Variants in RIN1 observed in about 807,000 individuals in gnomAD.
RIN1 encodes the protein Ras and Rab interactor 1, also known as ras inhibitor 1.
A neutral mutation model predicts 64.9 loss-of-function variants in RIN1; 52 were observed. The observed-to-expected ratio is 0.80, with a 90% confidence interval of 0.64 to 1.01. The LOEUF (loss-of-function observed/expected upper bound fraction) is 1.01, where lower values mean the gene tolerates loss of function less well. Among genes scored for constraint, RIN1 ranks in the 50% least tolerant of loss-of-function variants. The probability of loss-of-function intolerance (pLI) is 0.00; values close to 1 mark genes in which losing one functional copy is unlikely to be tolerated. For synonymous variants in RIN1, 486 were observed against 483.6 expected, an observed-to-expected ratio of 1.00 and a Z score of -0.06; for missense variants, 1,040 against 1,064.5, an observed-to-expected ratio of 0.98 and a Z score of 0.32.
chr11:66,333,099 G>A (rs971936863), intron 9 of RIN1, 159 bp downstream of exon 9: 9 of 827,142 alleles, frequency 1.1e-5, no homozygotes, highest in Middle Eastern at 3.6e-4. Context: ...ACTGAGGCAC[G>A]AAGTAGTTAA....
Position 66,335,608 on chromosome 11 carries a change from A to G in RIN1, c.455+2T>C. On this transcript the variant is annotated splice_donor_variant, in intron 4 of 9. Coordinates refer to ENST00000311320, the MANE Select transcript of RIN1 (RefSeq NM_004292.3). LOFTEE classifies it high-confidence loss of function. The stretch of plus-strand genomic sequence containing the variant: ...CACCAGGCACCCTGCGGGCAGACTC[A>G]CCGGGTGTGGCAGTAGGCACAGATG... 2 of 1,613,700 alleles carry G rather than the reference A, an allele frequency of 1.2e-6. No homozygotes were observed. The highest frequency in any genetic ancestry group is 1.7e-6 in the Non-Finnish European group (2 of 1,179,828).
chr11:66,336,329 A>G lies in RIN1; in HGVS notation c.74T>C (p.Leu25Pro). 1 of 1,613,394 alleles carries G rather than the reference A, an allele frequency of 6.2e-7. No homozygotes were observed. The highest frequency in any genetic ancestry group is 8.5e-7 in the Non-Finnish European group (1 of 1,179,680). ...PSPSSFTTGH[L>P]AREKPAQDPL... ...CAACTTCACTAACTTTTCTCTCGCC[A>G]GGTGCCCAGTAGTGAAGCTGGACGG... Residue 25 changes from leucine to proline, a missense_variant, in exon 1 of 10, where the codon CTG becomes CCG. Transcript: ENST00000311320.
In RIN1 at chr11:66,333,262, A is replaced by C. The variant is rs759145279; in HGVS notation, c.1871T>G (p.Phe624Cys). 6.2e-7 allele frequency: 1 copy of C among 1,610,680 alleles called. No homozygotes were observed. The highest frequency in any genetic ancestry group is 1.1e-5 in the South Asian group (1 of 90,996). The part of the protein sequence containing the change: ...EQRRLPATHC[F>C]QHLLRVAYQD... The stretch of plus-strand genomic sequence containing the variant: ...ACACGGTGGAGGGCCTGTTACCTGG[A>C]AGCAGTGGGTGGCAGGCAGGCGGCG... Residue 624 changes from phenylalanine to cysteine, a missense_variant, in exon 9 of 10, where the codon TTC becomes TGC. Physicochemically the swap from Phe to Cys is radical, Grantham distance 205. Coordinates refer to ENST00000311320, the MANE Select transcript of RIN1 (RefSeq NM_004292.3).
rs2134943084 is a variant in RIN1, at chr11:66,334,698, A to G, written c.1101T>C (p.Ala367=). 1 of 1,549,906 alleles carries G rather than the reference A, an allele frequency of 6.5e-7. No individual in the cohort carries two copies. Residue 367 remains alanine, a synonymous_variant, in exon 6 of 10, where the codon GCT becomes GCC. Coordinates refer to ENST00000311320, the MANE Select transcript of RIN1 (RefSeq NM_004292.3). ...GTCGGTCCTGCATCAGTGCTGCCGCAGCCCGGCCCACCTGCCGCTCCGGTG... is the reference window on the plus strand; with the variant it reads ...GTCGGTCCTGCATCAGTGCTGCCGCGGCCCGGCCCACCTGCCGCTCCGGTG... ...LLAPERQVGR[A]AAALMQDRHT...
intron 7 of RIN1, 37 bp downstream of exon 7, chr11:66,333,882 A>G: frequency 6.8e-7 from 1 of 1,476,814 alleles, no homozygotes; most frequent in Non-Finnish European, 9.0e-7. Context: ...TCTGACTCAA[A>G]GGGGCAGGGC....
rs538915763 is a variant in RIN1 at position 66,335,864 on chromosome 11, G to A, written c.280C>T (p.Arg94Trp). The A allele has an allele frequency of 1.3e-5, 21 of 1,572,180 alleles. No homozygotes were observed. The highest frequency in any genetic ancestry group is 6.7e-5 in the East Asian group (3 of 44,446). Residue 94 changes from arginine (R) to tryptophan (W), a missense_variant, in exon 3 of 10, where the codon CGG becomes TGG. By Grantham distance (101) the Arg-to-Trp change is moderately radical (BLOSUM62 -3). Transcript: ENST00000311320. ...TGGCACTGGCGGGTGTTAGATTTCCGCACGAGGAACGTCTGCAAGTGGATA... is the reference window on the plus strand; with the variant it reads ...TGGCACTGGCGGGTGTTAGATTTCCACACGAGGAACGTCTGCAAGTGGATA... ...RTEPPGTFLVRKSNTRQCQAL... is the reference protein window; with the variant it reads ...RTEPPGTFLVWKSNTRQCQAL...
At chr11:66,333,866 C>T (rs1854800806) in intron 7 of RIN1, 53 bp downstream of exon 7, 3 of 1,464,124 alleles carry the variant, frequency 2.0e-6, no homozygotes, top group South Asian at 1.4e-5. Context: ...CGCTGGGGGG[C>T]CCGCCTCTGA....
At chr11:66,335,355 C>T (rs1854857312) in intron 5 of RIN1, 52 bp downstream of exon 5, 1 of 1,557,540 alleles carries the variant, frequency 6.4e-7, no homozygotes. Context: ...GCCTTGCCTT[C>T]CCCTCGGCCT....
intron 8 of RIN1, 39 bp downstream of exon 8, chr11:66,333,488 G>A (rs911312042): frequency 1.2e-6 from 2 of 1,610,736 alleles, no homozygotes; most frequent in South Asian, 2.2e-5. Context: ...TGCTTATTCA[G>A]GGCCCACCCA....
At chr11:66,335,716 G>T in intron 3 of RIN1, 34 bp from the exon 4 acceptor site, 1 of 1,612,030 alleles carries the variant, frequency 6.2e-7, no homozygotes, top group South Asian at 1.1e-5. Flanking sequence ...GCTTCTCTGG[G>T]GAACCTCCCT....
At chr11:66,333,191 C>G (rs143026649) in intron 9 of RIN1, 67 bp downstream of exon 9, 3 of 1,578,204 alleles carry the variant, frequency 1.9e-6, no homozygotes, top group East Asian at 2.2e-5. Context: ...GGACTCTTCA[C>G]CAAGGACAGG....
At position 66,334,023 on chromosome 11, in the gene RIN1, C is replaced by T. The variant is rs141038581; in HGVS notation, c.1487G>A (p.Arg496His). ...GCGGAGCAGCTGCAGCAGCTTCTGG[C>T]GCACTTGCTCCAACTCTACTGGGGA... ...LPSPVELEQV[R>H]QKLLQLLRTY... Residue 496 changes from arginine (R) to histidine (H), a missense_variant, in exon 7 of 10, where the codon CGC becomes CAC. Physicochemically the swap from Arg to His is conservative, Grantham distance 29. Coordinates refer to ENST00000311320, the MANE Select transcript of RIN1 (RefSeq NM_004292.3). 4.4e-5 allele frequency: 69 copies of T among 1,572,222 alleles called. No homozygotes were observed. The highest frequency in any genetic ancestry group is 1.8e-4 in the Middle Eastern group (1 of 5,460).
Position 66,336,052 on chromosome 11 carries a change from T to C in RIN1, c.193A>G (p.Thr65Ala). ...VVSLRERLLL[T>A]RPVWLQLQAN... The stretch of plus-strand genomic sequence containing the variant: ...TGCAGCTGCAGCCACACGGGCCGGG[T>C]GAGCAGCAGGCGCTCCCGCAGGCTC... Residue 65 changes from threonine to alanine, a missense_variant, in exon 2 of 10, where the codon ACC (threonine) becomes GCC (alanine). Physicochemically the swap from Thr to Ala is moderately conservative, Grantham distance 58. Coordinates refer to ENST00000311320, the MANE Select transcript of RIN1 (RefSeq NM_004292.3). 1 of 1,466,420 alleles carries C rather than the reference T, an allele frequency of 6.8e-7. No homozygotes were observed. The highest frequency in any genetic ancestry group is 9.0e-7 in the Non-Finnish European group (1 of 1,108,656). The allele number at this position is 1,466,420 out of a possible 1,614,324, so 90.8% of individuals were successfully genotyped here.
In RIN1 at chr11:66,336,376, C is replaced by G; in HGVS notation, c.27G>C (p.Ala9=). MESPGESG[A]GSPGAPSPSS... ...ACGGGCTGGGGGCTCCAGGAGAGCC[C>G]GCGCCTGACTCTCCAGGGCTTTCCA... The change falls in exon 1 of 10, where the codon GCG becomes GCC. Residue 9 remains alanine, a synonymous_variant. Transcript: ENST00000311320. 6.2e-7 allele frequency: 1 copy of G among 1,613,544 alleles called. No individual in the cohort carries two copies.
At chr11:66,333,069 C>T (rs1854776519) in intron 9 of RIN1, 189 bp downstream of exon 9, 1 of 670,030 alleles carries the variant, frequency 1.5e-6, no homozygotes, top group Non-Finnish European at 2.5e-6. Flanking sequence ...GTCCTATTAC[C>T]CCATTTTACT....
Position 66,330,366 on chromosome 11 carries a change from G to A in RIN1, c.*1910C>T, listed in dbSNP as rs983138889. On this transcript the variant is annotated 3_prime_UTR_variant, in exon 10 of 10. Coordinates refer to ENST00000311320, the MANE Select transcript of RIN1 (RefSeq NM_004292.3). ...AGCCAACGGGACACTTCCTATCAGC[G>A]AGAACCTTGGGAGGGCGTGGAAGTG... 3.3e-5 allele frequency: 5 copies of A among 152,348 alleles called. No homozygotes were observed. Among genetic ancestry groups the A allele is most frequent in the Non-Finnish European group, 7.3e-5 (5 of 68,164 alleles). 9.4% of individuals were successfully genotyped at this position (152,348 alleles called of 1,614,324 possible). A position where few individuals can be genotyped will look rare whatever the true frequency, so the allele number is the denominator to read the frequency against.
At position 66,332,344 on chromosome 11, in the gene RIN1, G is replaced by A; in HGVS notation, c.2284C>T (p.Gln762Ter). 2 of 1,614,152 alleles carry A rather than the reference G, an allele frequency of 1.2e-6. No homozygotes were observed. The highest frequency in any genetic ancestry group is 1.7e-6 in the Non-Finnish European group (2 of 1,180,034). ...GGCTGAGCAGGGCCTTCCTGGGCTT[G>A]ACCCTGGCCCCCTTCAGCAGTTGTC... The part of the protein sequence containing the change: ...SETTAEGGQG[Q>*]AQEGPAQPGE... Residue 762 changes from glutamine (Q) to a stop codon, truncating the protein, a stop_gained, in exon 10 of 10, where the codon CAA becomes TAA. Transcript: ENST00000311320. LOFTEE classifies it high-confidence loss of function.
At chr11:66,336,517 CT>C, upstream of RIN1, 1 of 870,838 alleles carries the variant, frequency 1.1e-6, no homozygotes, top group Non-Finnish European at 1.8e-6. Flanking sequence ...CCAGTTAACT[CT>C]TGTGTGTCCA....
At chr11:66,336,188 G>T (rs1854896302) in intron 1 of RIN1, 30 bp from the exon 2 acceptor site, 1 of 1,474,588 alleles carries the variant, frequency 6.8e-7, no homozygotes, top group Non-Finnish European at 9.0e-7. Flanking sequence ...TCTGAGCAGG[G>T]AGCCAGGGGC....
Sources: allele counts gnomAD v4.1 joint callset, GRCh38; gene constraint gnomAD v4.1.1; transcripts MANE v1.5; gene names NCBI Gene and HGNC (gene_info 2026-07-23, HGNC 2026-07-21).